ARHGEF28: variants seen among roughly 807,000 people sequenced by gnomAD.
The protein encoded by ARHGEF28 is 190 kDa guanine nucleotide exchange factor.
Under a neutral mutation model 206.6 loss-of-function variants are expected in ARHGEF28, and 152 were observed. The observed-to-expected ratio is 0.74, with a 90% CI of 0.64 to 0.84. The LOEUF (loss-of-function observed/expected upper bound fraction) is 0.84. Among genes scored for constraint, ARHGEF28 ranks in the 40% least tolerant of loss-of-function variants. The pLI, the probability that ARHGEF28 is intolerant of heterozygous loss-of-function variation, is 0.00. For missense variants in ARHGEF28, 2,028 were observed against 2,073.2 expected, an observed-to-expected ratio of 0.98 and a Z score of 0.42; for synonymous variants, 763 against 776.4, an observed-to-expected ratio of 0.98 and a Z score of 0.29.
chr5:73,651,822 A>C (rs1000081574), intron 1 of ARHGEF28, among the ~76,000 whole-genome samples: 13 of 152,132 alleles, frequency 8.5e-5, no homozygotes, highest in Non-Finnish European at 1.9e-4. Context: ...GTCTGAACTT[A>C]TGGCTCAATT....
chr5:73,812,449 C>A (rs1232693130), intron 9 of ARHGEF28, among the ~76,000 whole-genome samples: 18 of 152,246 alleles, frequency 1.2e-4, no homozygotes, highest in East Asian at 1.2e-3. Context: ...ACAAACATTT[C>A]TTGCTATTGT....
At chr5:73,706,000 T>A (rs1440849542) in intron 2 of ARHGEF28, among the ~76,000 whole-genome samples, 2 of 152,202 alleles carry the variant, frequency 1.3e-5, no homozygotes, top group African/African-American at 4.8e-5. Context: ...TACACTTAGC[T>A]GAACTCTGGT....
chr5:73,812,022 G>A (rs979705505), intron 9 of ARHGEF28, among the ~76,000 whole-genome samples: 3 of 149,226 alleles, frequency 2.0e-5, no homozygotes, highest in Non-Finnish European at 4.4e-5. Context: ...AAATGTATCA[G>A]TATTTCTTTC....
intron 26 of ARHGEF28, among the ~76,000 whole-genome samples, chr5:73,888,445 G>A (rs1160123523): frequency 2.0e-5 from 3 of 152,212 alleles, no homozygotes; most frequent in Non-Finnish European, 4.4e-5. Flanking sequence ...TGAGATGCTT[G>A]AGATTCTCTT....
rs1452719344 is a variant in ARHGEF28, at chr5:73,909,718, C to CG, written c.4472dup (p.Glu1492ArgfsTer63). The CG allele has an allele frequency of 2.0e-6, 3 of 1,522,282 alleles. No individual in the cohort carries two copies. In the East Asian group the frequency reaches 7.4e-5, roughly 38 times the overall value. The allele number at this position is 1,522,282 out of a possible 1,614,324, so 94.3% of individuals were successfully genotyped here. A position where few individuals can be genotyped will look rare whatever the true frequency, so the allele number is the denominator to read the frequency against. ...GCAGGAGGAGCTGCTGCTGCGGAGC[C>CG]GGGGCGAGCTGGACCTCCAGCTCCA... On this transcript the variant is annotated frameshift_variant, in exon 34 of 36. Coordinates refer to ENST00000513042, the MANE Select transcript of ARHGEF28 (RefSeq NM_001177693.2). LOFTEE classifies it high-confidence loss of function.
chr5:73,817,967 A>G (rs1203794838), intron 9 of ARHGEF28, among the ~76,000 whole-genome samples: 1 of 152,148 alleles, frequency 6.6e-6, no homozygotes, highest in Non-Finnish European at 1.5e-5. Flanking sequence ...TTGTTTGTGC[A>G]TCTTGATACC....
chr5:73,672,331 A>G (rs1164058975), intron 1 of ARHGEF28, among the ~76,000 whole-genome samples: 1 of 152,184 alleles, frequency 6.6e-6, no homozygotes, highest in Non-Finnish European at 1.5e-5. Flanking sequence ...GCATGTCCTT[A>G]TCTGTCTTCA....
At chr5:73,885,738 T>A in intron 24 of ARHGEF28, 112 bp from the exon 25 acceptor site, 1 of 1,133,890 alleles carries the variant, frequency 8.8e-7, no homozygotes, top group Non-Finnish European at 1.2e-6. Flanking sequence ...GGATTTTTAT[T>A]GTTTAGATGA....
At chr5:73,869,952 T>G in intron 20 of ARHGEF28, 117 bp from the exon 21 acceptor site, 1 of 1,230,550 alleles carries the variant, frequency 8.1e-7, no homozygotes, top group Non-Finnish European at 1.1e-6. Flanking sequence ...TTTGGTTTAG[T>G]AGTTTCCATG....
At chr5:73,784,709 C>T (rs1210841230) in intron 7 of ARHGEF28, among the ~76,000 whole-genome samples, 1 of 152,172 alleles carries the variant, frequency 6.6e-6, no homozygotes, top group Non-Finnish European at 1.5e-5. Flanking sequence ...CCCTGGATAA[C>T]ACTGAACCTT....
At chr5:73,846,954 A>G (rs1018108963) in intron 12 of ARHGEF28, among the ~76,000 whole-genome samples, 2 of 152,206 alleles carry the variant, frequency 1.3e-5, no homozygotes, top group African/African-American at 4.8e-5. Flanking sequence ...AGATTTTGTC[A>G]ACTTTTCCAT....
intron 1 of ARHGEF28, among the ~76,000 whole-genome samples, chr5:73,651,177 G>A (rs1310076747): frequency 1.3e-5 from 2 of 152,168 alleles, no homozygotes; most frequent in Non-Finnish European, 2.9e-5. Context: ...AGAAGGGAAT[G>A]GAAAATGCTC....
intron 33 of ARHGEF28, 182 bp from the exon 34 acceptor site, chr5:73,909,230 A>G: frequency 1.3e-6 from 1 of 784,298 alleles, no homozygotes; most frequent in Non-Finnish European, 2.0e-6. Context: ...GGACAGATGT[A>G]GACACACCTC....
intron 4 of ARHGEF28, among the ~76,000 whole-genome samples, chr5:73,770,564 C>T (rs1036888123): frequency 1.3e-5 from 2 of 152,338 alleles, no homozygotes; most frequent in South Asian, 2.1e-4. Flanking sequence ...AACACTCCCA[C>T]CTCTGCCAAA....
chr5:73,892,871 C>T (rs940917030), intron 27 of ARHGEF28, among the ~76,000 whole-genome samples: 27 of 152,236 alleles, frequency 1.8e-4, no homozygotes, highest in South Asian at 6.2e-4. Flanking sequence ...TACTGCACCC[C>T]ATCTGCCCTG....
rs1338026669 is a variant in ARHGEF28 at position 73,788,249 on chromosome 5, A to AT, written c.911-6149dup. On this transcript the variant is annotated intron_variant, in intron 7 of 35. Transcript: ENST00000513042. ...AGAATCTAAGTTTGGTAAAAATGGA[A>AT]TTTTGTTTATGTCTTTGAAAGATGA... 5.3e-5 allele frequency among the ~76,000 whole-genome samples: 8 copies of AT among 152,322 alleles called. No homozygotes were observed. In the East Asian group the frequency reaches 1.5e-3, roughly 29 times the overall value.
intron 4 of ARHGEF28, among the ~76,000 whole-genome samples, chr5:73,773,161 G>A (rs7711340): frequency 1.5e-4 from 23 of 152,098 alleles, no homozygotes; most frequent in Non-Finnish European, 2.8e-4. Context: ...GGACCCCTCC[G>A]CCTGGAAGAT....
At chr5:73,635,742 C>T (rs1327862853) in intron 1 of ARHGEF28, among the ~76,000 whole-genome samples, 2 of 152,168 alleles carry the variant, frequency 1.3e-5, no homozygotes, top group Non-Finnish European at 2.9e-5. Context: ...TGCAACTTGT[C>T]AAAAACTTCA....
chr5:73,925,025 G>A (rs1291501480), intron 35 of ARHGEF28, among the ~76,000 whole-genome samples: 1 of 152,140 alleles, frequency 6.6e-6, no homozygotes, highest in Non-Finnish European at 1.5e-5. Flanking sequence ...TTGCCACATG[G>A]GTTGTGTTTT....
Sources: allele counts gnomAD v4.1 joint callset (sites outside exome capture counted in the v4.1 genomes callset), GRCh38; gene constraint gnomAD v4.1.1; transcripts MANE v1.5; gene names NCBI Gene and HGNC (gene_info 2026-07-23, HGNC 2026-07-21).